PTPRD: variants seen among roughly 807,000 people sequenced by gnomAD.
The protein encoded by PTPRD is protein tyrosine phosphatase receptor type D.
A neutral mutation model predicts 214.5 loss-of-function variants in PTPRD; 34 were observed. The observed-to-expected ratio is 0.16, with a 90% CI of 0.12 to 0.21. The LOEUF is 0.21. Ranked by LOEUF, PTPRD falls within the 10% of genes least tolerant of loss-of-function variation. PTPRD has a pLI of 1.00. For missense variants in PTPRD, 2,545 were observed against 2,398.7 expected (o/e 1.06, Z -1.27); for synonymous variants, 1,128 against 845.7 (o/e 1.33, Z -5.79).
rs558439894 is a variant in PTPRD at position 8,510,240 on chromosome 9, G to A, written c.1544-2806C>T. On this transcript the variant is annotated intron_variant, in intron 21 of 45. Coordinates refer to ENST00000381196, the MANE Select transcript of PTPRD (RefSeq NM_002839.4). ...CCAGGAGCGTGAGGCTACAGTGAACGATGACTGAGCCACTGCACACCACCC... is the reference window on the plus strand; with the variant it reads ...CCAGGAGCGTGAGGCTACAGTGAACAATGACTGAGCCACTGCACACCACCC... 8.5e-5 allele frequency among the ~76,000 whole-genome samples: 13 copies of A among 152,184 alleles called. No individual in the cohort carries two copies. In the South Asian group the frequency reaches 1.9e-3, roughly 22 times the overall value.
intron 12 of PTPRD, among the ~76,000 whole-genome samples, chr9:8,657,683 G>C (rs1187627040): frequency 1.3e-5 from 2 of 152,074 alleles, no homozygotes; most frequent in Non-Finnish European, 2.9e-5. Context: ...AATTGTTTTT[G>C]GGGTATTCAT....
At chr9:8,485,704 G>T in intron 28 of PTPRD, 58 bp downstream of exon 28, 4 of 1,424,946 alleles carry the variant, frequency 2.8e-6, no homozygotes, top group South Asian at 1.3e-5. Flanking sequence ...TCAAAATACT[G>T]ATTTCCAAAG....
intron 11 of PTPRD, among the ~76,000 whole-genome samples, chr9:9,012,626 G>A (rs1466030116): frequency 6.6e-6 from 1 of 152,124 alleles, no homozygotes; most frequent in Non-Finnish European, 1.5e-5. Flanking sequence ...TACTTTAAGT[G>A]GATGTGAGAA....
At chr9:10,428,937 T>C (rs1425620323) in intron 2 of PTPRD, among the ~76,000 whole-genome samples, 3 of 151,994 alleles carry the variant, frequency 2.0e-5, no homozygotes, top group African/African-American at 7.2e-5. Flanking sequence ...CACGAAAGTT[T>C]CTGTAGTTAT....
intron 11 of PTPRD, among the ~76,000 whole-genome samples, chr9:8,745,102 C>T (rs970601005): frequency 3.9e-5 from 6 of 152,174 alleles, no homozygotes; most frequent in African/African-American, 1.4e-4. Flanking sequence ...CTACTCCCTC[C>T]TTCAATGAAA....
intron 9 of PTPRD, among the ~76,000 whole-genome samples, chr9:9,307,691 C>T (rs766286345): frequency 1.1e-4 from 16 of 152,124 alleles, no homozygotes; most frequent in Non-Finnish European, 2.2e-4. Flanking sequence ...CAAATCCGGT[C>T]AAGTTAAACC....
At chr9:9,441,637 A>G (rs548839693) in intron 8 of PTPRD, among the ~76,000 whole-genome samples, 2 of 152,348 alleles carry the variant, frequency 1.3e-5, no homozygotes, top group South Asian at 2.1e-4. Context: ...GGCTATCAAT[A>G]TAACATGTTA....
At chr9:9,994,831 G>A (rs2096067807) in intron 4 of PTPRD, among the ~76,000 whole-genome samples, 2 of 151,966 alleles carry the variant, frequency 1.3e-5, no homozygotes, top group Admixed American at 1.3e-4. Flanking sequence ...TTCTTGCTTT[G>A]TCTAAAATAT....
chr9:8,906,868 C>G (rs1177381063), intron 11 of PTPRD, among the ~76,000 whole-genome samples: 1 of 152,008 alleles, frequency 6.6e-6, no homozygotes, highest in African/African-American at 2.4e-5. Context: ...TACACATCCC[C>G]GGCTGACTGC....
chr9:8,671,435 C>T (rs147708339), intron 12 of PTPRD, among the ~76,000 whole-genome samples: 14 of 152,018 alleles, frequency 9.2e-5, no homozygotes, highest in African/African-American at 2.2e-4. Flanking sequence ...AATGAAAGTT[C>T]GCCCAGGATA....
intron 21 of PTPRD, among the ~76,000 whole-genome samples, chr9:8,509,233 G>T (rs1264843169): frequency 6.6e-6 from 1 of 152,042 alleles, no homozygotes; most frequent in East Asian, 1.9e-4. Flanking sequence ...AAACTGCAAA[G>T]CAAATGGAAA....
chr9:8,627,542 G>A (rs1018561920), intron 14 of PTPRD, among the ~76,000 whole-genome samples: 1 of 151,834 alleles, frequency 6.6e-6, no homozygotes, highest in African/African-American at 2.4e-5. Context: ...GTCAAAAGAA[G>A]AAAATTGTTC....
chr9:10,339,063 A>G (rs1250210640), intron 3 of PTPRD, among the ~76,000 whole-genome samples: 1 of 151,754 alleles, frequency 6.6e-6, no homozygotes, highest in Non-Finnish European at 1.5e-5. Flanking sequence ...TAAGCAGCAG[A>G]GTATCCAGGT....
At chr9:10,148,767 T>C (rs1394768898) in intron 3 of PTPRD, among the ~76,000 whole-genome samples, 1 of 152,148 alleles carries the variant, frequency 6.6e-6, no homozygotes, top group Non-Finnish European at 1.5e-5. Context: ...CTACCATCTC[T>C]GGGGGTAAGA....
intron 3 of PTPRD, among the ~76,000 whole-genome samples, chr9:10,308,472 G>T (rs1352310087): frequency 1.3e-5 from 2 of 151,996 alleles, no homozygotes; most frequent in African/African-American, 4.8e-5. Context: ...TAGCTTTGTA[G>T]TATATTTTGA....
Position 10,380,491 on chromosome 9 carries a change from C to T in PTPRD, c.-599-39474G>A, listed in dbSNP as rs190247274. Among the ~76,000 whole-genome samples the T allele has an allele frequency of 2.3e-4, 35 of 152,100 alleles. 1 individual carries two copies. The highest frequency in any genetic ancestry group is 6.5e-4 in the African/African-American group (27 of 41,542). ...GGTTTATTTAGCAGGCCTCTAAAAA[C>T]GAAACACATATCATAGTACCCTTCA... is the stretch of plus-strand genomic sequence containing the variant. On this transcript the variant is annotated intron_variant, in intron 2 of 45. Transcript: ENST00000381196.
intron 11 of PTPRD, among the ~76,000 whole-genome samples, chr9:8,748,706 G>A (rs1031802363): frequency 6.6e-6 from 1 of 152,090 alleles, no homozygotes; most frequent in African/African-American, 2.4e-5. Flanking sequence ...GACGTCAGGA[G>A]TTCAAGACCA....
At chr9:8,849,332 T>G (rs1005005859) in intron 11 of PTPRD, among the ~76,000 whole-genome samples, 3 of 152,036 alleles carry the variant, frequency 2.0e-5, no homozygotes, top group Non-Finnish European at 4.4e-5. Context: ...AGTGCCACCA[T>G]GTCCAGATAA....
intron 2 of PTPRD, among the ~76,000 whole-genome samples, chr9:10,485,805 CA>C (rs1450813229): frequency 1.3e-5 from 2 of 151,966 alleles, no homozygotes; most frequent in Non-Finnish European, 2.9e-5. Context: ...CGTTTGCAGA[CA>C]AGAATAATTT....
Sources: gnomAD v4.1 joint callset for allele counts (sites outside exome capture counted in the v4.1 genomes callset) on GRCh38, gnomAD v4.1.1 for gene constraint, MANE v1.5 for transcripts, NCBI Gene and HGNC (gene_info 2026-07-23, HGNC 2026-07-21) for gene names.